The following MYLK4 variants were observed in gnomAD, a reference collection of about 807,000 sequenced individuals.
The protein encoded by MYLK4 is myosin light chain kinase family member 4.
In MYLK4, 46 loss-of-function variants were observed where a neutral mutation model predicts 48.1. The observed-to-expected ratio is 0.96, with a 90% confidence interval of 0.75 to 1.22. MYLK4 has a LOEUF of 1.22. Ranked by LOEUF, MYLK4 falls within the 50% of genes most tolerant of loss-of-function variation. The pLI is 0.00. For synonymous variants in MYLK4, 170 were observed against 180.8 expected (o/e 0.94, Z 0.48); for missense variants, 451 against 486.1 (o/e 0.93, Z 0.68).
chr6:2,678,307 C>A lies in MYLK4; in HGVS notation c.953G>T (p.Cys318Phe). 6.2e-7 allele frequency: 1 copy of A among 1,614,100 alleles called. No individual in the cohort carries two copies. Among genetic ancestry groups the A allele is most frequent in the South Asian group, 1.1e-5 (1 of 91,064 alleles). Residue 318 changes from cysteine (C) to phenylalanine (F), a missense_variant, in exon 10 of 13, where the codon TGC (cysteine) becomes TTC (phenylalanine). By Grantham distance (205) the Cys-to-Phe change is radical. Coordinates refer to ENST00000274643, the MANE Select transcript of MYLK4 (RefSeq NM_001012418.5). Reference sequence around the variant, plus strand: ...TTCTTCATCCTCTAAGTCCCACCTGCAGGCCAGGATGTTGTTCAGCGTCTC... The same window carrying A: ...TTCTTCATCCTCTAAGTCCCACCTGAAGGCCAGGATGTTGTTCAGCGTCTC... ...DAETLNNILA[C>F]RWDLEDEEFQ...
the MYLK4 span, among the ~76,000 whole-genome samples, chr6:2,762,552 G>A: frequency 6.6e-6 from 1 of 152,134 alleles, no homozygotes; most frequent in Non-Finnish European, 1.5e-5. Context: ...TCCACATTTA[G>A]TAACACTTTT....
chr6:2,760,137 AG>A, the MYLK4 span, among the ~76,000 whole-genome samples: 2 of 152,238 alleles, frequency 1.3e-5, no homozygotes, highest in African/African-American at 4.8e-5. Context: ...ATATGTGCAT[AG>A]GTTACAAAAA....
At position 2,666,119 on chromosome 6, in the gene MYLK4, C is replaced by T. The variant is rs1760642838; in HGVS notation, c.*1806G>A. 1 of 152,164 alleles carries T rather than the reference C, an allele frequency of 6.6e-6. No individual in the cohort carries two copies. Among genetic ancestry groups the T allele is most frequent in the Non-Finnish European group, 1.5e-5 (1 of 68,038 alleles). The allele number at this position is 152,164 out of a possible 1,614,324, so 9.4% of individuals were successfully genotyped here. ...CCACAAAATTCGCATGTGGCCTTCACCAAATCACGTATTTCCTTCTATCTC... is the reference window on the plus strand; with the variant it reads ...CCACAAAATTCGCATGTGGCCTTCATCAAATCACGTATTTCCTTCTATCTC... On this transcript the variant is annotated 3_prime_UTR_variant, in exon 13 of 13. Transcript: ENST00000274643.
chr6:2,692,641 AAGG>A (rs1312994999), intron 3 of MYLK4, 140 bp downstream of exon 3: 3,324 of 310,856 alleles, frequency 0.011, 6 homozygotes, highest in South Asian at 0.017. Context: ...AAAAAAAAAA[AAGG>A]GGGGGGGGGG....
intron 2 of MYLK4, among the ~76,000 whole-genome samples, chr6:2,720,917 C>T (rs1020071739): frequency 2.6e-5 from 4 of 151,978 alleles, no homozygotes; most frequent in African/African-American, 9.7e-5. Context: ...AATCTCAGCA[C>T]TTTGGGAGGT....
chr6:2,716,857 G>A (rs549158113), intron 2 of MYLK4, among the ~76,000 whole-genome samples: 518 of 152,338 alleles, frequency 3.4e-3, no homozygotes, highest in African/African-American at 0.012. Context: ...AAGCAGTTAG[G>A]ATGTGCTTGG....
intron 3 of MYLK4, 138 bp downstream of exon 3, chr6:2,692,641 AAGGGG>A: frequency 6.4e-6 from 2 of 312,864 alleles, no homozygotes; most frequent in Non-Finnish European, 5.2e-6. Flanking sequence ...AAAAAAAAAA[AAGGGG>A]GGGGGGGGCA....
the MYLK4 span, among the ~76,000 whole-genome samples, chr6:2,764,259 T>TCTTA: frequency 6.6e-6 from 1 of 152,140 alleles, no homozygotes; most frequent in African/African-American, 2.4e-5. Context: ...TAGAAACAAC[T>TCTTA]CTTAACCAGC....
At chr6:2,704,220 C>A (rs538430857) in intron 2 of MYLK4, among the ~76,000 whole-genome samples, 106 of 152,290 alleles carry the variant, frequency 7.0e-4, no homozygotes, top group African/African-American at 2.3e-3. Context: ...ATCTCAACCA[C>A]CTGTATGAAG....
At chr6:2,743,676 T>C (rs766305493) in intron 2 of MYLK4, among the ~76,000 whole-genome samples, 20 of 152,208 alleles carry the variant, frequency 1.3e-4, no homozygotes, top group Admixed American at 2.0e-4. Flanking sequence ...CTAACTTTAA[T>C]ATGCACAGGG....
intron 7 of MYLK4, among the ~76,000 whole-genome samples, chr6:2,680,763 G>A (rs1761269713): frequency 6.6e-6 from 1 of 152,174 alleles, no homozygotes; most frequent in Non-Finnish European, 1.5e-5. Flanking sequence ...GAACGTTCCG[G>A]CCTCCAGAGC....
chr6:2,755,239 C>A (rs1582140009), upstream of MYLK4, among the ~76,000 whole-genome samples: 1 of 152,100 alleles, frequency 6.6e-6, no homozygotes, highest in East Asian at 1.9e-4. Flanking sequence ...CAAATTGTTC[C>A]TTTAATTATA....
chr6:2,671,446 A>G, intron 11 of MYLK4, 98 bp from the exon 12 acceptor site: 1 of 1,140,528 alleles, frequency 8.8e-7, no homozygotes, highest in Admixed American at 1.9e-5. Context: ...GCTACTGAGG[A>G]GAAGGTGCTC....
intron 2 of MYLK4, among the ~76,000 whole-genome samples, chr6:2,706,200 T>C (rs1582073852): frequency 2.4e-5 from 1 of 41,856 alleles, no homozygotes; most frequent in East Asian, 4.5e-4. Context: ...ATATTCTATC[T>C]GTTATTGTAT....
chr6:2,671,215 A>T, intron 12 of MYLK4, 61 bp downstream of exon 12: 1 of 1,176,486 alleles, frequency 8.5e-7, no homozygotes, highest in Non-Finnish European at 1.3e-6. Context: ...TGCTCCATTT[A>T]TTTCTTATTC....
chr6:2,671,466 A>G (rs1760893336), intron 11 of MYLK4, 118 bp from the exon 12 acceptor site: 1 of 915,538 alleles, frequency 1.1e-6, no homozygotes, highest in Non-Finnish European at 1.7e-6. Flanking sequence ...CTTCAAGAGA[A>G]GTTCTTGAAG....
At position 2,673,236 on chromosome 6, in the gene MYLK4, G is replaced by T. The variant is rs2113088998; in HGVS notation, c.1119+1811C>A. ...GATAAAAATACATCGGTGGAAAATTGGCTCAAAATAGGTTAGTAACCCTAA... is the reference window on the plus strand; with the variant it reads ...GATAAAAATACATCGGTGGAAAATTTGCTCAAAATAGGTTAGTAACCCTAA... On this transcript the variant is annotated intron_variant, in intron 11 of 12. Transcript: ENST00000274643. The surrounding 1 kb of genome is among the most constrained non-coding windows in gnomAD (Gnocchi z 4.2). Among the ~76,000 whole-genome samples the T allele has an allele frequency of 6.6e-6, 1 of 152,262 alleles. No individual in the cohort carries two copies. Among genetic ancestry groups the T allele is most frequent in the East Asian group, 1.9e-4 (1 of 5,188 alleles).
rs796416643 is a variant in MYLK4, at chr6:2,703,673, T to G, written c.160-10814A>C. 1.0e-4 allele frequency among the ~76,000 whole-genome samples: 11 copies of G among 107,582 alleles called. 1 individual carries two copies. The highest frequency in any genetic ancestry group is 3.5e-4 in the African/African-American group (10 of 28,334). The allele number at this position is 107,582 out of a possible 152,430, so 70.6% of individuals were successfully genotyped here. On this transcript the variant is annotated intron_variant, in intron 2 of 12. Transcript: ENST00000274643. Reference sequence around the variant, plus strand: ...GTTTCCCTTTGTGAATTCTTTTTTTTTTTTTTTTTTTTTTTTGAGACGGAG... The same window carrying G: ...GTTTCCCTTTGTGAATTCTTTTTTTGTTTTTTTTTTTTTTTTGAGACGGAG...
chr6:2,764,304 G>A, the MYLK4 span, among the ~76,000 whole-genome samples: 4 of 152,218 alleles, frequency 2.6e-5, no homozygotes, highest in East Asian at 5.8e-4. Flanking sequence ...GTAACCCCAG[G>A]ACGACTCCAA....
Sources: gnomAD v4.1 joint callset for allele counts (sites outside exome capture counted in the v4.1 genomes callset) on GRCh38, gnomAD v4.1.1 for gene constraint, Gnocchi (gnomAD v3.1) non-coding constraint, MANE v1.5 for transcripts, NCBI Gene and HGNC (gene_info 2026-07-23, HGNC 2026-07-21) for gene names.